The following NRG4 variants were observed in gnomAD, a reference collection of about 807,000 sequenced individuals.
NRG4 encodes pro-neuregulin-4, membrane-bound isoform.
Under a neutral mutation model 15.0 loss-of-function variants are expected in NRG4, and 10 were observed. The observed-to-expected ratio is 0.67, with a 90% CI of 0.41 to 1.13. The LOEUF is 1.13. Ranked by LOEUF, NRG4 falls within the 50% of genes most tolerant of loss-of-function variation. The pLI, the probability that NRG4 is intolerant of heterozygous loss-of-function variation, is 0.00. For missense variants in NRG4, 139 were observed against 140.2 expected (o/e 0.99, Z 0.04); for synonymous variants, 41 against 50.1 (o/e 0.82, Z 0.77).
intron 5 of NRG4, among the ~76,000 whole-genome samples, chr15:76,019,874 TATCTC>T (rs1439841725): frequency 1.3e-5 from 2 of 152,222 alleles, no homozygotes; most frequent in Non-Finnish European, 2.9e-5. Flanking sequence ...TATACAGACA[TATCTC>T]ATTTTATGCA....
intron 4 of NRG4, among the ~76,000 whole-genome samples, chr15:76,049,023 G>T (rs1308120248): frequency 6.7e-6 from 1 of 150,352 alleles, no homozygotes; most frequent in Non-Finnish European, 1.5e-5. Context: ...CAGCCTGGGG[G>T]ATAGAGCAAT....
intron 4 of NRG4, among the ~76,000 whole-genome samples, chr15:76,049,206 TAC>T (rs150016024): frequency 6.6e-6 from 1 of 150,566 alleles, no homozygotes; most frequent in Non-Finnish European, 1.5e-5. Context: ...CACACATACA[TAC>T]ACACACACAC....
Position 76,008,591 on chromosome 15 carries a change from C to A in NRG4, c.104+609G>T, listed in dbSNP as rs146753571. Among the ~76,000 whole-genome samples, 948 of 152,222 alleles carry A rather than the reference C, an allele frequency of 6.2e-3. 10 individuals carry two copies. Among genetic ancestry groups the A allele is most frequent in the African/African-American group, 0.021 (862 of 41,546 alleles). Reference sequence around the variant, plus strand: ...TACATTTAAATCCTATTCAACCAAACTCATAGGAATCAGGCTACAGAAGTA... The same window carrying A: ...TACATTTAAATCCTATTCAACCAAAATCATAGGAATCAGGCTACAGAAGTA... On this transcript the variant is annotated intron_variant, in intron 3 of 5. Transcript: ENST00000394907.
intron 5 of NRG4, among the ~76,000 whole-genome samples, chr15:76,033,713 T>G (rs1489066009): frequency 6.6e-6 from 1 of 152,224 alleles, no homozygotes; most frequent in Non-Finnish European, 1.5e-5. Context: ...GTACTCATTT[T>G]TATTGCCTAA....
chr15:76,029,918 G>T (rs2035427090), intron 5 of NRG4, among the ~76,000 whole-genome samples: 1 of 152,072 alleles, frequency 6.6e-6, no homozygotes, highest in Non-Finnish European at 1.5e-5. Context: ...AATAGCAAAA[G>T]AAATCCTAAA....
At position 75,977,922 on chromosome 15, in the gene NRG4, T is replaced by TTC. The variant is rs2033437778; in HGVS notation, c.105-15950_105-15949dup. 2.6e-5 allele frequency among the ~76,000 whole-genome samples: 4 copies of TTC among 152,120 alleles called. No individual in the cohort carries two copies. The highest frequency in any genetic ancestry group is 2.9e-5 in the Non-Finnish European group (2 of 68,018). On this transcript the variant is annotated intron_variant, in intron 3 of 5. Coordinates refer to ENST00000394907, the MANE Select transcript of NRG4 (RefSeq NM_138573.4). This position sits in a 1 kb window ranked among gnomAD's most constrained non-coding sequence, Gnocchi z 4.9. Reference sequence around the variant, plus strand: ...ACCTCTGCCTCCCAGGTTCAAGTGATTCTCCTGCCTCAGCCTCCCAAGTAG... The same window carrying TTC: ...ACCTCTGCCTCCCAGGTTCAAGTGATTCTCTCCTGCCTCAGCCTCCCAAGTAG...
intron 3 of NRG4, among the ~76,000 whole-genome samples, chr15:75,983,931 T>C (rs965575461): frequency 6.6e-6 from 1 of 152,148 alleles, no homozygotes; most frequent in Non-Finnish European, 1.5e-5. Flanking sequence ...ACATTCTAGA[T>C]GAAATAAATT....
chr15:76,019,521 G>C (rs2141925008), intron 5 of NRG4, among the ~76,000 whole-genome samples: 1 of 152,326 alleles, frequency 6.6e-6, no homozygotes, highest in South Asian at 2.1e-4. Context: ...TCATCTGTGG[G>C]TTGTGAAGAC....
In NRG4 at chr15:75,942,405, G is replaced by C. The variant is rs1793151526; in HGVS notation, c.*1233C>G. 1.3e-5 allele frequency: 2 copies of C among 151,638 alleles called. No individual in the cohort carries two copies. 9.4% of individuals were successfully genotyped at this position (151,638 alleles called of 1,614,324 possible). ...AAACAAATATACCACACTAGTGCAA[G>C]ATGTTAATAATAAAGGCCTGGGGTG... On this transcript the variant is annotated 3_prime_UTR_variant, in exon 6 of 6. Coordinates refer to ENST00000394907, the MANE Select transcript of NRG4 (RefSeq NM_138573.4).
rs1442192916 is a variant in NRG4 at position 76,051,107 on chromosome 15, G to A, written c.-105+960C>T. ...TGCAAGCTCCGCCTGCCGGGTTCACGCCATTCTCCTGCCTCAGCCTCCCAA... is the reference window on the plus strand; with the variant it reads ...TGCAAGCTCCGCCTGCCGGGTTCACACCATTCTCCTGCCTCAGCCTCCCAA... On this transcript the variant is annotated intron_variant, in intron 4 of 8. Transcript: ENST00000563910. 7.4e-5 allele frequency among the ~76,000 whole-genome samples: 11 copies of A among 147,832 alleles called. 1 individual carries two copies. The highest frequency in any genetic ancestry group is 2.3e-4 in the African/African-American group (9 of 39,194).
intron 4 of NRG4, among the ~76,000 whole-genome samples, chr15:75,958,592 G>C (rs1398834709): frequency 6.6e-6 from 1 of 152,110 alleles, no homozygotes; most frequent in Non-Finnish European, 1.5e-5. Context: ...TATATTCTTA[G>C]CTTTTTACCC....
intron 3 of NRG4, among the ~76,000 whole-genome samples, chr15:75,974,423 G>A (rs944540631): frequency 4.6e-5 from 7 of 152,000 alleles, no homozygotes; most frequent in African/African-American, 1.7e-4. Flanking sequence ...GAATGTGTTT[G>A]TTCTTGCTTC....
intron 4 of NRG4, among the ~76,000 whole-genome samples, chr15:76,038,081 C>T (rs1313358447): frequency 1.3e-5 from 2 of 152,142 alleles, no homozygotes; most frequent in Admixed American, 1.3e-4. Context: ...GCTAAAGAGC[C>T]CTTGAGACCC....
At chr15:76,017,155 C>CT (rs66838505), upstream of NRG4, among the ~76,000 whole-genome samples, 696 of 52,236 alleles carry the variant, frequency 0.013, 19 homozygotes, top group Non-Finnish European at 0.018. Context: ...CAACCCCTGC[C>CT]TTTTTTTTTT....
At chr15:76,047,103 C>T (rs2035885529) in intron 4 of NRG4, among the ~76,000 whole-genome samples, 1 of 150,512 alleles carries the variant, frequency 6.6e-6, no homozygotes, top group Non-Finnish European at 1.5e-5. Context: ...ATCAAAACCA[C>T]AATGAAATAT....
intron 3 of NRG4, among the ~76,000 whole-genome samples, chr15:75,991,759 A>G (rs2034026632): frequency 6.6e-6 from 1 of 152,044 alleles, no homozygotes; most frequent in Non-Finnish European, 1.5e-5. Context: ...TATTAGGTAC[A>G]TATATGTACC....
At chr15:75,986,856 G>T (rs1212565587) in intron 3 of NRG4, among the ~76,000 whole-genome samples, 1 of 152,114 alleles carries the variant, frequency 6.6e-6, no homozygotes, top group Admixed American at 6.6e-5. Context: ...GGCTTGAATT[G>T]CCCTGCCATT....
At chr15:75,970,910 T>C (rs2033062173) in intron 3 of NRG4, among the ~76,000 whole-genome samples, 1 of 152,218 alleles carries the variant, frequency 6.6e-6, no homozygotes, top group African/African-American at 2.4e-5. Flanking sequence ...GCTTCCTGGA[T>C]TGTTCTCCAG....
chr15:75,971,492 A>C (rs1475822195), intron 3 of NRG4, among the ~76,000 whole-genome samples: 1 of 152,192 alleles, frequency 6.6e-6, no homozygotes, highest in Non-Finnish European at 1.5e-5. Context: ...ACTTGTGCCT[A>C]ACTTGTAGAC....
Sources: gnomAD v4.1 joint callset for allele counts (sites outside exome capture counted in the v4.1 genomes callset) on GRCh38, gnomAD v4.1.1 for gene constraint, Gnocchi (gnomAD v3.1) non-coding constraint, MANE v1.5 for transcripts, NCBI Gene and HGNC (gene_info 2026-07-23, HGNC 2026-07-21) for gene names.